The following SPATA13 variants were observed in gnomAD, a reference collection of about 807,000 sequenced individuals.
SPATA13 encodes spermatogenesis associated 13, also known as spermatogenesis-associated protein 13.
SPATA13 carries 50 observed loss-of-function variants against 104.0 expected under a neutral mutation model. The ratio of observed to expected loss-of-function variants is 0.48; its 90% CI spans 0.38 to 0.61. SPATA13 has a LOEUF of 0.61. Among genes scored for constraint, SPATA13 ranks in the 20% least tolerant of loss-of-function variants. SPATA13 has a pLI of 0.00. For missense variants in SPATA13, 1,524 were observed against 1,690.6 expected, an observed-to-expected ratio of 0.90 and a Z score of 1.73; for synonymous variants, 606 against 667.5, an observed-to-expected ratio of 0.91 and a Z score of 1.42.
At chr13:24,099,196 G>A (rs933445296) in intron 3 of SPATA13, among the ~76,000 whole-genome samples, 4 of 152,176 alleles carry the variant, frequency 2.6e-5, no homozygotes, top group African/African-American at 9.7e-5. Context: ...AGAAAAGCAT[G>A]CATTTATCCT....
At chr13:24,175,788 C>T (rs973834115) in intron 1 of SPATA13, among the ~76,000 whole-genome samples, 1 of 152,160 alleles carries the variant, frequency 6.6e-6, no homozygotes, top group Non-Finnish European at 1.5e-5. Flanking sequence ...TAGAGAGACA[C>T]GGATCTAGGT....
chr13:23,999,613 G>A (rs2137670637), intron 2 of SPATA13, among the ~76,000 whole-genome samples: 1 of 148,622 alleles, frequency 6.7e-6, no homozygotes, highest in African/African-American at 2.5e-5. Context: ...GGATTCTTCT[G>A]CCTGAGCTGC....
intron 1 of SPATA13, among the ~76,000 whole-genome samples, chr13:24,200,828 A>G (rs1246228595): frequency 1.3e-5 from 2 of 151,882 alleles, no homozygotes; most frequent in Non-Finnish European, 2.9e-5. Context: ...AATAAAACAA[A>G]CCAAAAAACC....
chr13:24,086,698 G>A lies in SPATA13; in HGVS notation c.-112+68997G>A, dbSNP rs937073285. On this transcript the variant is annotated intron_variant, in intron 3 of 14. Coordinates refer to the SPATA13 transcript ENST00000424834. ...GCACAAGGAAAGAAGGCAGACTCCC[G>A]AGTTCTCTTGAAAACCTTTTCATAG... Among the ~76,000 whole-genome samples the A allele has an allele frequency of 2.0e-5, 3 of 152,184 alleles. No homozygotes were observed. The East Asian group carries it at 5.8e-4, about 29-fold the overall frequency.
chr13:24,234,298 G>A (rs1257195913), intron 2 of SPATA13, among the ~76,000 whole-genome samples: 1 of 152,122 alleles, frequency 6.6e-6, no homozygotes, highest in South Asian at 2.1e-4. Context: ...TTTAATTTGT[G>A]GATAGGAGGG....
chr13:24,083,429 G>C (rs775979896), intron 3 of SPATA13, among the ~76,000 whole-genome samples: 2 of 152,182 alleles, frequency 1.3e-5, no homozygotes, highest in Non-Finnish European at 2.9e-5. Context: ...GGGCAGGCCT[G>C]ACCTTGGCCA....
At chr13:24,182,817 A>G (rs1175632089) in intron 1 of SPATA13, among the ~76,000 whole-genome samples, 1 of 152,132 alleles carries the variant, frequency 6.6e-6, no homozygotes, top group Non-Finnish European at 1.5e-5. Flanking sequence ...TGCAGATTTT[A>G]TCAGTGTTAG....
At chr13:24,056,595 A>G (rs1490196762) in intron 3 of SPATA13, among the ~76,000 whole-genome samples, 2 of 152,214 alleles carry the variant, frequency 1.3e-5, no homozygotes, top group Non-Finnish European at 2.9e-5. Flanking sequence ...GCACCCACAG[A>G]GCCCAGCACA....
chr13:24,134,531 A>G (rs372029961), intron 3 of SPATA13, among the ~76,000 whole-genome samples: 7 of 152,262 alleles, frequency 4.6e-5, no homozygotes, highest in African/African-American at 1.7e-4. Context: ...AAGCATCCCA[A>G]TGGGAAATGC....
At chr13:24,091,879 C>G (rs1879921542) in intron 3 of SPATA13, among the ~76,000 whole-genome samples, 1 of 152,064 alleles carries the variant, frequency 6.6e-6, no homozygotes, top group African/African-American at 2.4e-5. Context: ...TAGGGGAGCT[C>G]TAGGCTTATT....
chr13:24,245,599 T>TTTC (rs2138652568), intron 2 of SPATA13, among the ~76,000 whole-genome samples: 1 of 147,634 alleles, frequency 6.8e-6, no homozygotes, highest in East Asian at 2.0e-4. Flanking sequence ...TTTTTTTTTT[T>TTTC]TTTTTTTTTA....
intron 3 of SPATA13, among the ~76,000 whole-genome samples, chr13:24,092,014 C>T (rs138677091): frequency 3.9e-5 from 6 of 152,160 alleles, no homozygotes; most frequent in Non-Finnish European, 7.4e-5. Flanking sequence ...ACCGTTCTTC[C>T]TGACGGTTAG....
intron 3 of SPATA13, among the ~76,000 whole-genome samples, chr13:24,143,379 C>T (rs1018713275): frequency 6.6e-6 from 1 of 152,126 alleles, no homozygotes; most frequent in Non-Finnish European, 1.5e-5. Context: ...CTAAGTAGTA[C>T]CTGGAGCAGG....
At chr13:24,278,581 T>C in intron 4 of SPATA13, 3 of 1,378,514 alleles carry the variant, frequency 2.2e-6, no homozygotes, top group Non-Finnish European at 2.8e-6. Flanking sequence ...CCCAGCCACA[T>C]CTTGCAATTC....
At chr13:24,146,603 T>G (rs116364590) in intron 3 of SPATA13, among the ~76,000 whole-genome samples, 2,139 of 151,388 alleles carry the variant, frequency 0.014, 48 homozygotes, top group African/African-American at 0.049. Context: ...CTCTAAAATG[T>G]TCTTTTACAG....
chr13:24,223,867 G>A lies in SPATA13; in HGVS notation c.938G>A (p.Arg313Lys). Residue 313 changes from arginine (R) to lysine (K), a missense_variant, in exon 2 of 13, where the codon AGG (arginine) becomes AAG (lysine). By Grantham distance (26) the Arg-to-Lys change is conservative. Around this residue, in one of 2 missense-constraint regions of SPATA13, gnomAD observed 1,089 missense variants for 1,135.9 expected, o/e 0.96. Coordinates refer to ENST00000382108, the MANE Select transcript of SPATA13 (RefSeq NM_001166271.3). ...ACCAAACGCTGGAGGAGCCCGATAAGGGCCAAGGACTTTGACAGAGTCTTC... is the reference window on the plus strand; with the variant it reads ...ACCAAACGCTGGAGGAGCCCGATAAAGGCCAAGGACTTTGACAGAGTCTTC... The part of the protein sequence containing the change: ...GRTKRWRSPI[R>K]AKDFDRVFKL... 3 of 1,551,698 alleles carry A rather than the reference G, an allele frequency of 1.9e-6. No individual in the cohort carries two copies. In the South Asian group the frequency reaches 3.6e-5, roughly 18 times the overall value.
intron 2 of SPATA13, among the ~76,000 whole-genome samples, chr13:24,226,284 T>A (rs1002681416): frequency 1.5e-4 from 23 of 152,190 alleles, no homozygotes; most frequent in Admixed American, 2.0e-4. Flanking sequence ...CCTAGGTACC[T>A]GTCCACCTCC....
chr13:24,064,452 A>G (rs1221979900), intron 3 of SPATA13, among the ~76,000 whole-genome samples: 1 of 152,096 alleles, frequency 6.6e-6, no homozygotes, highest in Non-Finnish European at 1.5e-5. Context: ...GGCTGTTAGG[A>G]GGTGAGGCGC....
chr13:24,178,973 A>G (rs1340931748), intron 1 of SPATA13, among the ~76,000 whole-genome samples: 2 of 152,146 alleles, frequency 1.3e-5, no homozygotes, highest in Non-Finnish European at 2.9e-5. Flanking sequence ...CCACTCATCT[A>G]TAGTCTGTCC....
Sources: gnomAD v4.1 joint callset for allele counts (sites outside exome capture counted in the v4.1 genomes callset) on GRCh38, gnomAD v4.1.1 for gene constraint, gnomAD v4.1.1 regional missense constraint, MANE v1.5 for transcripts, NCBI Gene and HGNC (gene_info 2026-07-23, HGNC 2026-07-21) for gene names.